DOCK10: variants seen among roughly 807,000 people sequenced by gnomAD.
The protein encoded by DOCK10 is dedicator of cytokinesis 10.
Under a neutral mutation model 280.1 loss-of-function variants are expected in DOCK10, and 145 were observed. The observed-to-expected ratio is 0.52, with a 90% CI of 0.45 to 0.59. The LOEUF is 0.59. DOCK10 is among the 20% of genes least tolerant of loss of function. The pLI is 0.00. For synonymous variants in DOCK10, 915 were observed against 942.2 expected (o/e 0.97, Z 0.53); for missense variants, 2,368 against 2,651.7 (o/e 0.89, Z 2.35).
intron 1 of DOCK10, among the ~76,000 whole-genome samples, chr2:224,986,841 G>A (rs919498454): frequency 6.6e-6 from 1 of 152,086 alleles, no homozygotes; most frequent in African/African-American, 2.4e-5. Flanking sequence ...ACCCTAGCAG[G>A]CCAATACAAG....
rs189400208 is a variant in DOCK10 at position 224,852,897 on chromosome 2, G to A, written c.2076+38C>T. Reference sequence around the variant, plus strand: ...CTATCTTATATGGTCTAAATACGGTGAAAAGAAAAGATGATATCTCTGGAA... The same window carrying A: ...CTATCTTATATGGTCTAAATACGGTAAAAAGAAAAGATGATATCTCTGGAA... On this transcript the variant is annotated intron_variant, in intron 17 of 55. Coordinates refer to ENST00000258390, the MANE Select transcript of DOCK10 (RefSeq NM_014689.3). 4.9e-4 allele frequency: 725 copies of A among 1,493,272 alleles called. No individual in the cohort carries two copies. In the African/African-American group the frequency reaches 9.3e-3, roughly 19 times the overall value. The allele number at this position is 1,493,272 out of a possible 1,614,324, so 92.5% of individuals were successfully genotyped here. A position where few individuals can be genotyped will look rare whatever the true frequency, so the allele number is the denominator to read the frequency against.
Position 224,876,707 on chromosome 2 carries a change from T to C in DOCK10, c.748-486A>G, listed in dbSNP as rs547979446. On this transcript the variant is annotated intron_variant, in intron 7 of 55. Coordinates refer to ENST00000258390, the MANE Select transcript of DOCK10 (RefSeq NM_014689.3). ...TGTCCTTGCAGCAGAATTAACACAA[T>C]GGCCACTTCCTCCTTTCTGAAACTC... 2.2e-4 allele frequency among the ~76,000 whole-genome samples: 34 copies of C among 152,302 alleles called. No homozygotes were observed. In the South Asian group the frequency reaches 6.8e-3, roughly 31 times the overall value.
chr2:224,875,328 A>G (rs767729049), intron 8 of DOCK10, among the ~76,000 whole-genome samples: 5 of 152,314 alleles, frequency 3.3e-5, no homozygotes, highest in African/African-American at 4.8e-5. Context: ...GAACTTAAAG[A>G]TGCTTTGGTT....
chr2:224,775,011 T>C lies in DOCK10; in HGVS notation c.5907A>G (p.Glu1969=). Residue 1969 remains glutamate (E), a synonymous_variant, in exon 52 of 56, where the codon GAA becomes GAG. Coordinates refer to ENST00000258390, the MANE Select transcript of DOCK10 (RefSeq NM_014689.3). ...CAAAGCGGTTGATGTTGTGGTGCATTTCGAAATCTGTCTTCCGGTCTTCGA... is the reference window on the plus strand; with the variant it reads ...CAAAGCGGTTGATGTTGTGGTGCATCTCGAAATCTGTCTTCCGGTCTTCGA... The part of the protein sequence containing the change: ...KEIEDRKTDF[E]MHHNINRFVF... 6.2e-7 allele frequency: 1 copy of C among 1,613,930 alleles called. No homozygotes were observed. The highest frequency in any genetic ancestry group is 8.5e-7 in the Non-Finnish European group (1 of 1,179,858).
intron 1 of DOCK10, among the ~76,000 whole-genome samples, chr2:224,996,789 A>C (rs965016515): frequency 3.9e-5 from 6 of 152,334 alleles, no homozygotes; most frequent in African/African-American, 1.4e-4. Flanking sequence ...GCAGGTTGGC[A>C]GATTAAATTT....
chr2:224,990,697 C>G (rs1338851518), intron 1 of DOCK10, among the ~76,000 whole-genome samples: 1 of 152,158 alleles, frequency 6.6e-6, no homozygotes, highest in African/African-American at 2.4e-5. Context: ...TTGCATATGT[C>G]TCCTCTGTGC....
At chr2:225,005,552 A>C (rs1373432159) in intron 1 of DOCK10, among the ~76,000 whole-genome samples, 1 of 152,224 alleles carries the variant, frequency 6.6e-6, no homozygotes, top group Non-Finnish European at 1.5e-5. Flanking sequence ...ATTTCATTTT[A>C]AACTAAAACT....
chr2:224,988,881 A>G (rs1311286298), intron 1 of DOCK10, among the ~76,000 whole-genome samples: 1 of 152,228 alleles, frequency 6.6e-6, no homozygotes, highest in Non-Finnish European at 1.5e-5. Context: ...CTGTCAAAGC[A>G]TATATTTAGA....
chr2:224,980,972 G>A (rs745687533), intron 1 of DOCK10, among the ~76,000 whole-genome samples: 1 of 151,864 alleles, frequency 6.6e-6, no homozygotes, highest in Non-Finnish European at 1.5e-5. Flanking sequence ...TTCTAGCTGT[G>A]AAATTTTATA....
chr2:224,893,003 G>A (rs1330119368), intron 4 of DOCK10, among the ~76,000 whole-genome samples: 1 of 152,146 alleles, frequency 6.6e-6, no homozygotes, highest in Non-Finnish European at 1.5e-5. Flanking sequence ...TAAGAGCCTC[G>A]GGGATACCAA....
chr2:224,779,363 G>C (rs1691131499), intron 50 of DOCK10, among the ~76,000 whole-genome samples: 2 of 151,996 alleles, frequency 1.3e-5, no homozygotes, highest in Non-Finnish European at 2.9e-5. Context: ...CTGCAGATGT[G>C]TACCACCACG....
chr2:225,029,702 T>C (rs1464033838), intron 1 of DOCK10, among the ~76,000 whole-genome samples: 1 of 152,212 alleles, frequency 6.6e-6, no homozygotes, highest in Non-Finnish European at 1.5e-5. Flanking sequence ...TGTCAAAGCA[T>C]GTTTTTGTGA....
intron 47 of DOCK10, among the ~76,000 whole-genome samples, chr2:224,790,814 C>A (rs960261966): frequency 6.6e-6 from 1 of 152,016 alleles, no homozygotes; most frequent in Non-Finnish European, 1.5e-5. Flanking sequence ...GGATAATTTA[C>A]TCCTTTGACT....
chr2:224,886,225 GGATCCTA>G (rs1559659055), intron 5 of DOCK10, 40 bp from the exon 6 acceptor site: 1 of 1,612,870 alleles, frequency 6.2e-7, no homozygotes, highest in Non-Finnish European at 8.5e-7. Context: ...CATCTTTTGT[GGATCCTA>G]GATCCTAGAC....
intron 47 of DOCK10, among the ~76,000 whole-genome samples, chr2:224,790,767 C>T (rs1001734578): frequency 2.0e-5 from 3 of 152,092 alleles, no homozygotes; most frequent in Non-Finnish European, 4.4e-5. Flanking sequence ...CGCCTATCTT[C>T]ACCTATATTC....
At chr2:225,023,057 C>T (rs916077624) in intron 1 of DOCK10, among the ~76,000 whole-genome samples, 25 of 150,908 alleles carry the variant, frequency 1.7e-4, no homozygotes, top group Admixed American at 1.5e-3. Flanking sequence ...TTTTTTGAGA[C>T]GGAGTTTCGC....
intron 1 of DOCK10, among the ~76,000 whole-genome samples, chr2:224,944,773 G>A (rs537881245): frequency 6.6e-6 from 1 of 152,286 alleles, no homozygotes; most frequent in Admixed American, 6.5e-5. Context: ...CAATACAAGA[G>A]ACAACCTGTG....
chr2:224,885,815 G>A lies in DOCK10; in HGVS notation c.613-10C>T. On this transcript the variant is annotated splice_polypyrimidine_tract_variant and intron_variant, in intron 6 of 55. Coordinates refer to ENST00000258390, the MANE Select transcript of DOCK10 (RefSeq NM_014689.3). ...AGCGCTTTTTGAATGACTAAATAAA[G>A]GAAAAGATATAAGGAGATATTCAAA... 2 of 1,610,536 alleles carry A rather than the reference G, an allele frequency of 1.2e-6. No homozygotes were observed. Among genetic ancestry groups the A allele is most frequent in the Non-Finnish European group, 1.7e-6 (2 of 1,179,104 alleles).
intron 1 of DOCK10, among the ~76,000 whole-genome samples, chr2:225,024,776 A>G (rs1393375621): frequency 6.6e-6 from 1 of 152,056 alleles, no homozygotes; most frequent in Non-Finnish European, 1.5e-5. Context: ...CTGTAATCCC[A>G]GCTACTCAGG....
Sources: allele counts gnomAD v4.1 joint callset (sites outside exome capture counted in the v4.1 genomes callset), GRCh38; gene constraint gnomAD v4.1.1; transcripts MANE v1.5; gene names NCBI Gene and HGNC (gene_info 2026-07-23, HGNC 2026-07-21).